Variants in PRKCI observed in about 807,000 individuals in gnomAD.
PRKCI encodes the protein protein kinase C iota.
A neutral mutation model predicts 84.0 loss-of-function variants in PRKCI; 43 were observed. That is an observed-to-expected ratio of 0.51 (90% CI 0.40 to 0.66). The LOEUF is 0.66. Ranked by LOEUF, PRKCI falls within the 30% of genes least tolerant of loss-of-function variation. The pLI, the probability that PRKCI is intolerant of heterozygous loss-of-function variation, is 0.00. For missense variants in PRKCI, 459 were observed against 745.6 expected (o/e 0.62, Z 4.48); for synonymous variants, 216 against 234.4 (o/e 0.92, Z 0.72).
intron 3 of PRKCI, among the ~76,000 whole-genome samples, chr3:170,262,828 CTTTCTT>C (rs1733762103): frequency 7.7e-6 from 1 of 129,652 alleles, no homozygotes; most frequent in Non-Finnish European, 1.6e-5. Context: ...TTTTTTCTTT[CTTTCTT>C]TTTTTTTTTT....
intron 11 of PRKCI, among the ~76,000 whole-genome samples, chr3:170,282,766 T>C (rs551785921): frequency 5.9e-5 from 9 of 151,770 alleles, no homozygotes; most frequent in African/African-American, 1.9e-4. Flanking sequence ...GATTTATTGT[T>C]CTTTGGCTTT....
chr3:170,223,511 C>G lies in PRKCI; in HGVS notation c.101+741C>G, dbSNP rs544483784. 1.7e-3 allele frequency among the ~76,000 whole-genome samples: 263 copies of G among 152,272 alleles called. 1 individual carries two copies. Among genetic ancestry groups the G allele is most frequent in the Non-Finnish European group, 3.4e-3 (231 of 68,030 alleles). ...GTTTTAAATTCTCTGATCTTCACTC[C>G]CTTACTATGGTTACAAGAAAAAACC... On this transcript the variant is annotated intron_variant, in intron 1 of 17. Transcript: ENST00000295797.
intron 2 of PRKCI, among the ~76,000 whole-genome samples, chr3:170,236,759 G>A (rs1371868676): frequency 6.6e-6 from 1 of 151,624 alleles, no homozygotes; most frequent in Non-Finnish European, 1.5e-5. Flanking sequence ...TACTTGGGAG[G>A]CTGAGGTGGG....
chr3:170,261,127 AT>A (rs982994574), intron 3 of PRKCI, among the ~76,000 whole-genome samples: 8,624 of 134,550 alleles, frequency 0.064, 474 homozygotes, highest in African/African-American at 0.17. Flanking sequence ...TGACTGGCTA[AT>A]TTTTTTTTTT....
rs139190713 is a variant in PRKCI at position 170,245,326 on chromosome 3, C to CGG, written c.223+9979_223+9980dup. 1.1e-3 allele frequency among the ~76,000 whole-genome samples: 173 copies of CGG among 152,124 alleles called. 2 individuals are homozygous for CGG. The highest frequency in any genetic ancestry group is 3.4e-3 in the Middle Eastern group (1 of 294). ...TCTGTGGGACTGAGCCCTAAACCTA[C>CGG]GGGGGTCTGTGCTAACTCCAGGTGG... On this transcript the variant is annotated intron_variant, in intron 2 of 17. Coordinates refer to ENST00000295797, the MANE Select transcript of PRKCI (RefSeq NM_002740.6).
chr3:170,232,967 A>G (rs143685109), intron 1 of PRKCI, among the ~76,000 whole-genome samples: 20 of 152,200 alleles, frequency 1.3e-4, no homozygotes, highest in Admixed American at 6.5e-4. Flanking sequence ...TGAATTCACT[A>G]TCTTCTTCAT....
chr3:170,284,158 G>C (rs1734318901), intron 11 of PRKCI, among the ~76,000 whole-genome samples: 1 of 151,918 alleles, frequency 6.6e-6, no homozygotes, highest in Non-Finnish European at 1.5e-5. Flanking sequence ...ATACACCTTT[G>C]CCCCCAGTTG....
chr3:170,281,406 A>T lies in PRKCI; in HGVS notation c.980+143A>T. ...AGGCTTATAACTTCCTGCTAATAATACTGCCATCAGTGATATCAGTTTGAT... is the reference window on the plus strand; with the variant it reads ...AGGCTTATAACTTCCTGCTAATAATTCTGCCATCAGTGATATCAGTTTGAT... On this transcript the variant is annotated intron_variant, in intron 10 of 17. Transcript: ENST00000295797. 7 of 636,676 alleles carry T rather than the reference A, an allele frequency of 1.1e-5. No individual in the cohort carries two copies. The South Asian group carries it at 1.4e-4, about 13-fold the overall frequency. The allele number at this position is 636,676 out of a possible 1,614,324, so 39.4% of individuals were successfully genotyped here.
At position 170,248,853 on chromosome 3, in the gene PRKCI, C is replaced by CTT. The variant is rs35355260; in HGVS notation, c.224-11105_224-11104dup. ...GAATTGGCTTTTTTCTTTTTCTTTTCTTTTTTTTTTTTGAGAGGGAGTCTT... is the reference window on the plus strand; with the variant it reads ...GAATTGGCTTTTTTCTTTTTCTTTTCTTTTTTTTTTTTTTGAGAGGGAGTCTT... On this transcript the variant is annotated intron_variant, in intron 2 of 17. Coordinates refer to ENST00000295797, the MANE Select transcript of PRKCI (RefSeq NM_002740.6). Among the ~76,000 whole-genome samples the CTT allele has an allele frequency of 9.6e-3, 1,374 of 142,426 alleles. 26 individuals are homozygous for CTT. The highest frequency in any genetic ancestry group is 0.033 in the African/African-American group (1,278 of 38,840). The allele number at this position is 142,426 out of a possible 152,430, so 93.4% of individuals were successfully genotyped here.
chr3:170,261,037 G>C (rs1321267803), intron 3 of PRKCI, among the ~76,000 whole-genome samples: 2 of 151,524 alleles, frequency 1.3e-5, no homozygotes, highest in Non-Finnish European at 2.9e-5. Context: ...GCTCACTGCA[G>C]CCTTGACTTC....
intron 2 of PRKCI, among the ~76,000 whole-genome samples, chr3:170,252,001 G>A (rs541306157): frequency 1.2e-4 from 19 of 152,198 alleles, no homozygotes; most frequent in African/African-American, 4.3e-4. Flanking sequence ...GGATCCTGAG[G>A]TCAGGAGATC....
intron 5 of PRKCI, among the ~76,000 whole-genome samples, chr3:170,268,921 T>A (rs949952529): frequency 3.9e-5 from 6 of 152,136 alleles, no homozygotes; most frequent in African/African-American, 1.4e-4. Flanking sequence ...TATTTATTTT[T>A]TTTTTATTTT....
intron 2 of PRKCI, among the ~76,000 whole-genome samples, chr3:170,237,676 T>C (rs963892347): frequency 6.6e-6 from 1 of 152,222 alleles, no homozygotes; most frequent in Admixed American, 6.5e-5. Flanking sequence ...TTCCCTGATA[T>C]AAAGAACTCT....
chr3:170,300,520 C>G (rs1734795411), intron 17 of PRKCI, among the ~76,000 whole-genome samples: 1 of 151,424 alleles, frequency 6.6e-6, no homozygotes, highest in Non-Finnish European at 1.5e-5. Context: ...ATTTTTCCCC[C>G]TAACTCATGG....
intron 1 of PRKCI, among the ~76,000 whole-genome samples, chr3:170,223,916 CT>C (rs3842653): frequency 0.39 from 58,209 of 150,106 alleles, 12,056 homozygotes; most frequent in East Asian, 0.56. Flanking sequence ...GATGTAAGGA[CT>C]TTTTTTTTTA....
chr3:170,284,362 GA>G lies in PRKCI; in HGVS notation c.1068-92del, dbSNP rs1330630227. On this transcript the variant is annotated intron_variant, in intron 11 of 17. Coordinates refer to ENST00000295797, the MANE Select transcript of PRKCI (RefSeq NM_002740.6). ...AAATTTGTTCCTAAAATCACTGGGAGAAAAAAATATGTTTTAATATGAATTT... is the reference window on the plus strand; with the variant it reads ...AAATTTGTTCCTAAAATCACTGGGAGAAAAAATATGTTTTAATATGAATTT... 3.7e-6 allele frequency: 4 copies of G among 1,089,748 alleles called. No homozygotes were observed. The African/African-American group carries it at 4.9e-5, about 13-fold the overall frequency. The allele number at this position is 1,089,748 out of a possible 1,614,324, so 67.5% of individuals were successfully genotyped here.
intron 1 of PRKCI, among the ~76,000 whole-genome samples, chr3:170,225,341 CA>C (rs1732601291): frequency 1.3e-5 from 2 of 152,144 alleles, no homozygotes; most frequent in Admixed American, 1.3e-4. Flanking sequence ...TGTGGTATTA[CA>C]TAGTCAGCTG....
chr3:170,280,154 A>G, intron 8 of PRKCI, 73 bp from the exon 9 acceptor site: 4 of 1,272,424 alleles, frequency 3.1e-6, no homozygotes, highest in Non-Finnish European at 4.3e-6. Flanking sequence ...TATAGGTACA[A>G]CTAGGTGTTA....
chr3:170,257,892 G>A (rs1199928284), intron 2 of PRKCI, among the ~76,000 whole-genome samples: 1 of 152,040 alleles, frequency 6.6e-6, no homozygotes, highest in Non-Finnish European at 1.5e-5. Context: ...TCAAACTCCT[G>A]ACCTCAGGCG....
Sources: allele counts gnomAD v4.1 joint callset (sites outside exome capture counted in the v4.1 genomes callset), GRCh38; gene constraint gnomAD v4.1.1; transcripts MANE v1.5; gene names NCBI Gene and HGNC (gene_info 2026-07-23, HGNC 2026-07-21).